NEDD4L: variants seen among roughly 807,000 people sequenced by gnomAD.
The protein encoded by NEDD4L is E3 ubiquitin-protein ligase NEDD4-like.
NEDD4L carries 54 observed loss-of-function variants against 148.9 expected under a neutral mutation model. That is an observed-to-expected ratio of 0.36 (90% confidence interval 0.29 to 0.45). The LOEUF (loss-of-function observed/expected upper bound fraction) is 0.45, where lower values mean the gene tolerates loss of function less well. Among genes scored for constraint, NEDD4L ranks in the 20% least tolerant of loss-of-function variants. The probability of loss-of-function intolerance (pLI) is 1.00; values close to 1 mark genes in which losing one functional copy is unlikely to be tolerated. For synonymous variants in NEDD4L, 433 were observed against 440.7 expected (o/e 0.98, Z 0.22); for missense variants, 856 against 1,233.8 (o/e 0.69, Z 4.59).
intron 2 of NEDD4L, among the ~76,000 whole-genome samples, chr18:58,187,685 T>A (rs1025444785): frequency 2.0e-5 from 3 of 152,188 alleles, no homozygotes; most frequent in African/African-American, 7.2e-5. Flanking sequence ...ACTTGAAATA[T>A]AAAATTAGTA....
In NEDD4L at chr18:58,399,130, A is replaced by G. The variant is rs1481689244; in HGVS notation, c.*2861A>G. The G allele has an allele frequency of 1.3e-5, 2 of 152,198 alleles. No individual in the cohort carries two copies. Among genetic ancestry groups the G allele is most frequent in the African/African-American group, 2.4e-5 (1 of 41,444 alleles). The allele number at this position is 152,198 out of a possible 1,614,324, so 9.4% of individuals were successfully genotyped here. A position where few individuals can be genotyped will look rare whatever the true frequency, so the allele number is the denominator to read the frequency against. On this transcript the variant is annotated 3_prime_UTR_variant, in exon 31 of 31. Coordinates refer to ENST00000400345, the MANE Select transcript of NEDD4L (RefSeq NM_001144967.3). ...TCACAGCTGCCTGTGGGTCCCGGGT[A>G]TTTCCATTCCTGCCCCTTGTTGGCC...
intron 2 of NEDD4L, among the ~76,000 whole-genome samples, chr18:58,177,446 G>A (rs1283936156): frequency 6.6e-6 from 1 of 151,992 alleles, no homozygotes; most frequent in East Asian, 1.9e-4. Flanking sequence ...TGCTGTGTAG[G>A]GAGAGGTGTG....
Position 58,322,501 on chromosome 18 carries a change from TATGGGTGGGTGGGG to T in NEDD4L, c.410+19_410+32del. The T allele has an allele frequency of 1.4e-6, 2 of 1,476,274 alleles. No homozygotes were observed. The highest frequency in any genetic ancestry group is 1.9e-6 in the Non-Finnish European group (2 of 1,056,702). The allele number at this position is 1,476,274 out of a possible 1,614,324, so 91.4% of individuals were successfully genotyped here. ...AGACCAAGAAGGTGAGGCTTGTGGGTATGGGTGGGTGGGGATGCCTGCCCTGCATGCTGTAGGTA... is the reference window on the plus strand; with the variant it reads ...AGACCAAGAAGGTGAGGCTTGTGGGTATGCCTGCCCTGCATGCTGTAGGTA... On this transcript the variant is annotated intron_variant, in intron 7 of 30. Coordinates refer to ENST00000400345, the MANE Select transcript of NEDD4L (RefSeq NM_001144967.3).
chr18:58,364,126 T>G (rs2045840625), intron 19 of NEDD4L, 142 bp from the exon 20 acceptor site: 2 of 645,810 alleles, frequency 3.1e-6, no homozygotes, highest in East Asian at 5.6e-5. Context: ...TGTGTAGACA[T>G]TATCTAATTT....
chr18:58,056,254 C>T (rs1277488953), intron 1 of NEDD4L, among the ~76,000 whole-genome samples: 2 of 152,332 alleles, frequency 1.3e-5, no homozygotes, highest in East Asian at 1.9e-4. Flanking sequence ...CCATCCTCCT[C>T]CACTCCTCTC....
At chr18:58,073,289 A>G (rs1366394513) in intron 1 of NEDD4L, among the ~76,000 whole-genome samples, 1 of 152,174 alleles carries the variant, frequency 6.6e-6, no homozygotes, top group Non-Finnish European at 1.5e-5. Flanking sequence ...CAGAATAACC[A>G]AAACAACCTT....
At chr18:58,086,192 C>T (rs2083749665) in intron 1 of NEDD4L, among the ~76,000 whole-genome samples, 1 of 152,148 alleles carries the variant, frequency 6.6e-6, no homozygotes, top group Non-Finnish European at 1.5e-5. Flanking sequence ...AATATAGAGC[C>T]TTGATTGGAC....
intron 5 of NEDD4L, among the ~76,000 whole-genome samples, chr18:58,259,519 G>A (rs1328610171): frequency 6.6e-6 from 1 of 152,134 alleles, no homozygotes; most frequent in African/African-American, 2.4e-5. Context: ...CAGCATTTGT[G>A]CCCCCTTTGT....
At chr18:58,204,450 T>C (rs1441013521) in intron 2 of NEDD4L, among the ~76,000 whole-genome samples, 2 of 152,198 alleles carry the variant, frequency 1.3e-5, no homozygotes, top group Non-Finnish European at 2.9e-5. Flanking sequence ...TTGCTTTTGG[T>C]GTATATGTGA....
At chr18:58,054,018 C>A (rs28549042) in intron 1 of NEDD4L, among the ~76,000 whole-genome samples, 1 of 152,020 alleles carries the variant, frequency 6.6e-6, no homozygotes, top group Non-Finnish European at 1.5e-5. Context: ...GAGATGAAGA[C>A]CCTTTCTATT....
At chr18:58,347,585 A>C (rs1208022396) in intron 16 of NEDD4L, among the ~76,000 whole-genome samples, 1 of 152,032 alleles carries the variant, frequency 6.6e-6, no homozygotes, top group Non-Finnish European at 1.5e-5. Context: ...ATATTTCTTT[A>C]TGTTCTGTGT....
intron 1 of NEDD4L, among the ~76,000 whole-genome samples, chr18:58,057,762 T>C (rs2082153776): frequency 1.3e-5 from 2 of 152,144 alleles, no homozygotes; most frequent in South Asian, 4.1e-4. Flanking sequence ...TTCTGGGAAT[T>C]CCTGGGTCTT....
chr18:58,171,713 A>T (rs1599337776), intron 2 of NEDD4L, among the ~76,000 whole-genome samples: 4 of 152,282 alleles, frequency 2.6e-5, no homozygotes, highest in African/African-American at 9.6e-5. Context: ...TCTCATTGTC[A>T]TGGAGGTCCC....
chr18:58,357,291 T>C (rs758735185), intron 19 of NEDD4L, 39 bp downstream of exon 19: 2 of 1,562,246 alleles, frequency 1.3e-6, no homozygotes, highest in South Asian at 2.2e-5. Context: ...GTATAAGATT[T>C]TGGTTACGTG....
chr18:58,336,026 A>T (rs1057337624), intron 13 of NEDD4L: 1 of 153,858 alleles, frequency 6.5e-6, no homozygotes, highest in African/African-American at 2.4e-5. Context: ...ATGCACCATG[A>T]CCCTTTCTCT....
intron 5 of NEDD4L, among the ~76,000 whole-genome samples, chr18:58,270,819 G>A (rs1280423812): frequency 2.0e-5 from 3 of 151,858 alleles, no homozygotes; most frequent in South Asian, 4.2e-4. Flanking sequence ...AAGTTTAGGT[G>A]TTTAGTCAAG....
intron 5 of NEDD4L, among the ~76,000 whole-genome samples, chr18:58,305,469 C>A (rs766840362): frequency 6.6e-6 from 1 of 152,214 alleles, no homozygotes; most frequent in African/African-American, 2.4e-5. Context: ...GCAGCCTGGG[C>A]ACCTCTGGTT....
chr18:58,224,691 G>C (rs566651175), intron 2 of NEDD4L, among the ~76,000 whole-genome samples: 1 of 152,242 alleles, frequency 6.6e-6, no homozygotes, highest in East Asian at 1.9e-4. Context: ...TTCATTACTT[G>C]AAAACAAGTT....
intron 2 of NEDD4L, chr18:58,195,621 C>G: frequency 7.4e-7 from 1 of 1,348,424 alleles, no homozygotes. Flanking sequence ...TGGCGGAGAC[C>G]AGGATTTCTC....
Sources: gnomAD v4.1 joint callset for allele counts (sites outside exome capture counted in the v4.1 genomes callset) on GRCh38, gnomAD v4.1.1 for gene constraint, MANE v1.5 for transcripts, NCBI Gene and HGNC (gene_info 2026-07-23, HGNC 2026-07-21) for gene names.